ROBO1: variants seen among roughly 807,000 people sequenced by gnomAD.
The protein encoded by ROBO1 is roundabout guidance receptor 1.
Under a neutral mutation model 195.9 loss-of-function variants are expected in ROBO1, and 149 were observed. That is an observed-to-expected ratio of 0.76 (90% CI 0.67 to 0.87). The LOEUF (loss-of-function observed/expected upper bound fraction) is 0.87. ROBO1 is among the 40% of genes least tolerant of loss of function. ROBO1 has a pLI of 0.00. For synonymous variants in ROBO1, 816 were observed against 733.2 expected, an observed-to-expected ratio of 1.11 and a Z score of -1.82; for missense variants, 1,933 against 2,068.3, an observed-to-expected ratio of 0.93 and a Z score of 1.27.
chr3:78,605,218 A>G lies in ROBO1; in HGVS notation c.4744+1515T>C, dbSNP rs191863621. Among the ~76,000 whole-genome samples, 166 of 152,216 alleles carry G rather than the reference A, an allele frequency of 1.1e-3. 1 individual carries two copies. The highest frequency in any genetic ancestry group is 1.9e-3 in the Admixed American group (29 of 15,290). On this transcript the variant is annotated intron_variant, in intron 29 of 30. Coordinates refer to ENST00000464233, the MANE Select transcript of ROBO1 (RefSeq NM_002941.4). ...CTGAAAATTTCCCACCCCATTCTTT[A>G]TAGGACACTATTTTCAATAGCTTGG...
chr3:79,357,225 T>C (rs1325991066), intron 2 of ROBO1, among the ~76,000 whole-genome samples: 1 of 152,146 alleles, frequency 6.6e-6, no homozygotes, highest in Non-Finnish European at 1.5e-5. Flanking sequence ...TAACAAGTCA[T>C]GAGGGCACAT....
At chr3:78,865,106 G>C (rs1392779054) in intron 4 of ROBO1, among the ~76,000 whole-genome samples, 1 of 152,124 alleles carries the variant, frequency 6.6e-6, no homozygotes, top group Non-Finnish European at 1.5e-5. Flanking sequence ...TGGCTTGTGG[G>C]AAACTGTTTA....
intron 2 of ROBO1, among the ~76,000 whole-genome samples, chr3:79,173,529 C>T (rs536125871): frequency 5.3e-5 from 8 of 152,198 alleles, no homozygotes; most frequent in South Asian, 4.1e-4. Context: ...GCCGGCCCAC[C>T]GGGTTCTCAC....
At chr3:78,964,269 GTCACATTCACAGATACCA>G (rs2041559266) in intron 3 of ROBO1, among the ~76,000 whole-genome samples, 1 of 152,132 alleles carries the variant, frequency 6.6e-6, no homozygotes, top group Admixed American at 6.5e-5. Context: ...TTCAGATAAT[GTCACATTCACAGATACCA>G]GCGGTTAGGC....
intron 2 of ROBO1, among the ~76,000 whole-genome samples, chr3:79,146,482 G>A (rs2080654580): frequency 6.6e-6 from 1 of 151,762 alleles, no homozygotes; most frequent in African/African-American, 2.4e-5. Context: ...ATAGATCATA[G>A]AATATATATA....
At chr3:78,821,734 ATAATT>A (rs748769508) in intron 4 of ROBO1, among the ~76,000 whole-genome samples, 2 of 152,206 alleles carry the variant, frequency 1.3e-5, no homozygotes, top group African/African-American at 2.4e-5. Flanking sequence ...AGGTTGCAGG[ATAATT>A]TAATTTAATT....
chr3:79,319,929 T>C (rs2033903303), intron 2 of ROBO1, among the ~76,000 whole-genome samples: 1 of 152,182 alleles, frequency 6.6e-6, no homozygotes, highest in Non-Finnish European at 1.5e-5. Flanking sequence ...TGTAAGGTAA[T>C]ATTAAATAAC....
intron 2 of ROBO1, among the ~76,000 whole-genome samples, chr3:79,545,898 A>G (rs1412768385): frequency 2.0e-5 from 3 of 152,134 alleles, no homozygotes; most frequent in Admixed American, 6.5e-5. Flanking sequence ...GATTGTATGC[A>G]GTTGATTCTT....
At chr3:79,060,147 C>T (rs1293656210) in intron 3 of ROBO1, among the ~76,000 whole-genome samples, 33 of 151,964 alleles carry the variant, frequency 2.2e-4, no homozygotes, top group Non-Finnish European at 7.4e-5. Flanking sequence ...CATCCCCAGG[C>T]TTGCTAGGAT....
At chr3:79,064,484 T>G (rs1379819613) in intron 3 of ROBO1, among the ~76,000 whole-genome samples, 1 of 151,946 alleles carries the variant, frequency 6.6e-6, no homozygotes, top group Non-Finnish European at 1.5e-5. Flanking sequence ...ACCCTGTTAG[T>G]GTCTATTCTT....
intron 17 of ROBO1, among the ~76,000 whole-genome samples, chr3:78,657,770 G>A (rs759002423): frequency 6.6e-6 from 1 of 152,172 alleles, no homozygotes. Context: ...CAACCTGCCT[G>A]GCATGGGCAC....
chr3:79,433,275 C>A (rs184079026), intron 2 of ROBO1, among the ~76,000 whole-genome samples: 1 of 152,108 alleles, frequency 6.6e-6, no homozygotes, highest in Non-Finnish European at 1.5e-5. Context: ...GTAGAACATG[C>A]GGTATTTGGT....
At chr3:79,663,040 C>G (rs115242963) in intron 1 of ROBO1, among the ~76,000 whole-genome samples, 3,854 of 152,104 alleles carry the variant, frequency 0.025, 62 homozygotes, top group Middle Eastern at 0.034. Flanking sequence ...AGCTATGATT[C>G]TCACAAGTGG....
At chr3:79,326,060 A>G (rs1430846238) in intron 2 of ROBO1, among the ~76,000 whole-genome samples, 1 of 152,112 alleles carries the variant, frequency 6.6e-6, no homozygotes, top group East Asian at 1.9e-4. Context: ...AGTCTCCCAT[A>G]GAGCTCCCAG....
intron 4 of ROBO1, among the ~76,000 whole-genome samples, chr3:78,777,283 T>A (rs2083534262): frequency 6.6e-6 from 1 of 152,326 alleles, no homozygotes; most frequent in Non-Finnish European, 1.5e-5. Flanking sequence ...AACATTAACT[T>A]CTGATGACCA....
At chr3:78,810,137 G>A (rs962337152) in intron 4 of ROBO1, among the ~76,000 whole-genome samples, 13 of 152,276 alleles carry the variant, frequency 8.5e-5, no homozygotes, top group Admixed American at 5.2e-4. Flanking sequence ...TCGCAGCTAC[G>A]TTAAGAGTTC....
intron 3 of ROBO1, among the ~76,000 whole-genome samples, chr3:78,945,257 G>T (rs140452298): frequency 1.3e-5 from 2 of 152,270 alleles, no homozygotes; most frequent in African/African-American, 4.8e-5. Context: ...AGCCTAACTG[G>T]GAGGCACCCC....
chr3:79,215,841 G>A (rs1026736647), intron 2 of ROBO1, among the ~76,000 whole-genome samples: 6 of 152,088 alleles, frequency 3.9e-5, no homozygotes, highest in African/African-American at 1.2e-4. Context: ...AGACATGGAT[G>A]GGTTTTAGAT....
chr3:79,547,849 C>T (rs1047158383), intron 2 of ROBO1, among the ~76,000 whole-genome samples: 2 of 152,080 alleles, frequency 1.3e-5, no homozygotes, highest in Admixed American at 1.3e-4. Context: ...ACTACACAGA[C>T]ATTTTAACAG....
Sources: allele counts gnomAD v4.1 joint callset (sites outside exome capture counted in the v4.1 genomes callset), GRCh38; gene constraint gnomAD v4.1.1; transcripts MANE v1.5; gene names NCBI Gene and HGNC (gene_info 2026-07-23, HGNC 2026-07-21).